Variants in WWOX observed in about 807,000 individuals in gnomAD.
WWOX encodes WW domain containing oxidoreductase, also known as WW domain-containing oxidoreductase.
Under a neutral mutation model 46.2 loss-of-function variants are expected in WWOX, and 69 were observed. The ratio of observed to expected loss-of-function variants is 1.49; its 90% confidence interval spans 1.23 to 1.82. The LOEUF is 1.82. Among genes scored for constraint, WWOX ranks in the 40% most tolerant of loss-of-function variants. The probability of loss-of-function intolerance (pLI) is 0.00; values close to 1 mark genes in which losing one functional copy is unlikely to be tolerated. For missense variants in WWOX, 919 were observed against 542.6 expected (o/e 1.69, Z -6.89); for synonymous variants, 359 against 202.6 (o/e 1.77, Z -6.56).
rs117436144 is a variant in WWOX, at chr16:78,796,565, G to C, written c.1056+363813G>C. Among the ~76,000 whole-genome samples the C allele has an allele frequency of 1.1e-3, 169 of 152,360 alleles. No individual in the cohort carries two copies. The East Asian group carries it at 0.03, about 27-fold the overall frequency. ...CTTCTCAGGCTTGCTTTCTATTGTA[G>C]ATTGCTTACAATATTGCTTTTAAAT... On this transcript the variant is annotated intron_variant, in intron 8 of 8. Transcript: ENST00000566780.
intron 8 of WWOX, among the ~76,000 whole-genome samples, chr16:78,983,039 T>G (rs2046713569): frequency 6.6e-6 from 1 of 152,196 alleles, no homozygotes; most frequent in Non-Finnish European, 1.5e-5. Context: ...TGTGAAGTAT[T>G]TATTGTGGGT....
chr16:79,136,952 C>A (rs559309527), intron 8 of WWOX, among the ~76,000 whole-genome samples: 1 of 152,328 alleles, frequency 6.6e-6, no homozygotes, highest in Non-Finnish European at 1.5e-5. Flanking sequence ...CTCCCCCTAT[C>A]TTACAGAGAA....
chr16:78,682,001 A>G (rs2047741288), intron 8 of WWOX, among the ~76,000 whole-genome samples: 1 of 152,194 alleles, frequency 6.6e-6, no homozygotes, highest in Non-Finnish European at 1.5e-5. Context: ...CAGTTGGAGC[A>G]GTGATTTTTA....
At chr16:78,916,930 C>T (rs1454408167) in intron 8 of WWOX, among the ~76,000 whole-genome samples, 1 of 150,434 alleles carries the variant, frequency 6.6e-6, no homozygotes, top group Non-Finnish European at 1.5e-5. Context: ...TAAAGCTTGA[C>T]CCAGGGGCTA....
At position 79,052,980 on chromosome 16, in the gene WWOX, G is replaced by A. The variant is rs1442601391; in HGVS notation, c.1057-158628G>A. Among the ~76,000 whole-genome samples the A allele has an allele frequency of 7.3e-5, 11 of 151,400 alleles. No homozygotes were observed. The East Asian group carries it at 1.8e-3, about 24-fold the overall frequency. On this transcript the variant is annotated intron_variant, in intron 8 of 8. Transcript: ENST00000566780. ...TTTGTGTATTTGGGGGTTGGGATGGGGGGGTGGGTGGAGGGTCAGAGAGGT... is the reference window on the plus strand; with the variant it reads ...TTTGTGTATTTGGGGGTTGGGATGGAGGGGTGGGTGGAGGGTCAGAGAGGT...
chr16:78,647,539 A>G (rs2046872581), intron 8 of WWOX, among the ~76,000 whole-genome samples: 1 of 152,212 alleles, frequency 6.6e-6, no homozygotes, highest in African/African-American at 2.4e-5. Context: ...TGCTAAGCCT[A>G]ATCTCCATCT....
chr16:78,756,181 G>A (rs1421243701), intron 8 of WWOX, among the ~76,000 whole-genome samples: 1 of 152,180 alleles, frequency 6.6e-6, no homozygotes, highest in Non-Finnish European at 1.5e-5. Flanking sequence ...ACTGCCTCTG[G>A]CTAATAGGGA....
At chr16:79,035,833 A>G (rs896468503) in intron 8 of WWOX, among the ~76,000 whole-genome samples, 1 of 152,232 alleles carries the variant, frequency 6.6e-6, no homozygotes, top group Admixed American at 6.5e-5. Context: ...TGCTGTGAAC[A>G]GGGATCCTGC....
intron 8 of WWOX, among the ~76,000 whole-genome samples, chr16:79,046,573 C>T (rs1034864235): frequency 5.9e-5 from 9 of 152,130 alleles, no homozygotes; most frequent in African/African-American, 2.2e-4. Context: ...GGTGAGAGAG[C>T]TCACCGGGGA....
intron 8 of WWOX, among the ~76,000 whole-genome samples, chr16:78,829,365 C>G (rs529585339): frequency 3.3e-5 from 5 of 152,270 alleles, no homozygotes; most frequent in African/African-American, 9.6e-5. Context: ...CTTACTCAGA[C>G]TTTTGTTTTA....
At chr16:78,554,881 C>A (rs1054612772) in intron 8 of WWOX, among the ~76,000 whole-genome samples, 1 of 152,172 alleles carries the variant, frequency 6.6e-6, no homozygotes, top group East Asian at 1.9e-4. Context: ...GTGCTGGAGA[C>A]AATCCATTCC....
At chr16:78,443,413 A>C (rs987555456) in intron 8 of WWOX, among the ~76,000 whole-genome samples, 23 of 152,320 alleles carry the variant, frequency 1.5e-4, no homozygotes, top group African/African-American at 5.3e-4. Flanking sequence ...GCAGATTTTA[A>C]GCCCTCCAGT....
chr16:78,859,863 C>T (rs937778521), intron 8 of WWOX, among the ~76,000 whole-genome samples: 2 of 151,930 alleles, frequency 1.3e-5, no homozygotes, highest in African/African-American at 2.4e-5. Context: ...ACATTATTTG[C>T]ATCTCCTATT....
intron 8 of WWOX, among the ~76,000 whole-genome samples, chr16:79,005,646 T>C (rs1427747895): frequency 6.6e-6 from 1 of 152,168 alleles, no homozygotes; most frequent in Non-Finnish European, 1.5e-5. Flanking sequence ...TCCTTGTCCA[T>C]GTCTCTCTAT....
chr16:78,673,938 T>C (rs1244536587), intron 8 of WWOX, among the ~76,000 whole-genome samples: 1 of 152,108 alleles, frequency 6.6e-6, no homozygotes, highest in Non-Finnish European at 1.5e-5. Context: ...TATGAGGGTG[T>C]ATTACTGAGC....
At chr16:79,107,747 C>T (rs2049339090) in intron 8 of WWOX, among the ~76,000 whole-genome samples, 1 of 152,182 alleles carries the variant, frequency 6.6e-6, no homozygotes, top group Admixed American at 6.5e-5. Context: ...TTATAAATTT[C>T]TCCCAAGGAA....
At chr16:78,209,739 T>A (rs2036499985) in intron 5 of WWOX, among the ~76,000 whole-genome samples, 7 of 145,866 alleles carry the variant, frequency 4.8e-5, no homozygotes, top group Non-Finnish European at 7.5e-5. Context: ...TTGCGGAGAT[T>A]AAAAAAAAAA....
At chr16:78,836,876 G>T (rs939657109) in intron 8 of WWOX, among the ~76,000 whole-genome samples, 10 of 152,172 alleles carry the variant, frequency 6.6e-5, no homozygotes, top group African/African-American at 2.2e-4. Context: ...CCAAGCAGTA[G>T]ATGGGCTTTT....
intron 5 of WWOX, among the ~76,000 whole-genome samples, chr16:78,322,799 G>C (rs1324856518): frequency 6.6e-6 from 1 of 152,186 alleles, no homozygotes; most frequent in African/African-American, 2.4e-5. Context: ...CACAGCACAG[G>C]AGCAGCCATG....
Sources: allele counts gnomAD v4.1 joint callset (sites outside exome capture counted in the v4.1 genomes callset), GRCh38; gene constraint gnomAD v4.1.1; transcripts MANE v1.5; gene names NCBI Gene and HGNC (gene_info 2026-07-23, HGNC 2026-07-21).